The following MADD variants were observed in gnomAD, a reference collection of about 807,000 sequenced individuals.
MADD encodes the protein MAP kinase activating death domain.
In MADD, 109 loss-of-function variants were observed where a neutral mutation model predicts 176.7. That is an observed-to-expected ratio of 0.62 (90% CI 0.53 to 0.72). The LOEUF (loss-of-function observed/expected upper bound fraction) is 0.72. Ranked by LOEUF, MADD falls within the 30% of genes least tolerant of loss-of-function variation. The pLI is 0.00. For synonymous variants in MADD, 771 were observed against 771.3 expected (o/e 1.00, Z 0.01); for missense variants, 1,914 against 2,045.5 (o/e 0.94, Z 1.24).
intron 22 of MADD, among the ~76,000 whole-genome samples, chr11:47,300,710 C>G (rs2077074591): frequency 6.6e-6 from 1 of 152,014 alleles, no homozygotes; most frequent in Non-Finnish European, 1.5e-5. Context: ...GTTGGCCAGG[C>G]TAGTCTTGAA....
At position 47,324,616 on chromosome 11, in the gene MADD, A is replaced by G. The variant is rs757151299; in HGVS notation, c.4542+39A>G. 9 of 1,401,484 alleles carry G rather than the reference A, an allele frequency of 6.4e-6. No homozygotes were observed. In the South Asian group the frequency reaches 8.2e-5, roughly 13 times the overall value. The allele number at this position is 1,401,484 out of a possible 1,614,324, so 86.8% of individuals were successfully genotyped here. A position where few individuals can be genotyped will look rare whatever the true frequency, so the allele number is the denominator to read the frequency against. On this transcript the variant is annotated intron_variant, in intron 30 of 32. Transcript: ENST00000402192. ...GCAGCACGAGGCTCCCTGTCGTTCCATCTGTAAGAAGGACCAATGTCCAAG... is the reference window on the plus strand; with the variant it reads ...GCAGCACGAGGCTCCCTGTCGTTCCGTCTGTAAGAAGGACCAATGTCCAAG...
At chr11:47,301,569 T>C (rs2077797988) in intron 22 of MADD, among the ~76,000 whole-genome samples, 1 of 152,256 alleles carries the variant, frequency 6.6e-6, no homozygotes, top group Admixed American at 6.5e-5. Context: ...CGTTTATTGC[T>C]ATAAGCTTCT....
At chr11:47,293,208 G>A (rs1253554762) in intron 19 of MADD, among the ~76,000 whole-genome samples, 4 of 152,118 alleles carry the variant, frequency 2.6e-5, no homozygotes, top group African/African-American at 9.7e-5. Context: ...GAAGCATTAA[G>A]GGACCTGGGG....
intron 2 of MADD, 55 bp downstream of exon 2, chr11:47,274,031 G>T: frequency 2.0e-6 from 3 of 1,508,048 alleles, no homozygotes; most frequent in Non-Finnish European, 2.8e-6. Context: ...CATAAAATCT[G>T]CAGTTGTTCC....
At chr11:47,314,185 G>A (rs2141194383) in intron 26 of MADD, among the ~76,000 whole-genome samples, 1 of 151,484 alleles carries the variant, frequency 6.6e-6, no homozygotes, top group Non-Finnish European at 1.5e-5. Context: ...AGGCTGCCGT[G>A]AGCACCACTG....
At chr11:47,290,493 T>C (rs2138501765) in intron 18 of MADD, 117 bp from the exon 20 acceptor site, 1 of 1,274,466 alleles carries the variant, frequency 7.8e-7, no homozygotes, top group Non-Finnish European at 1.1e-6. Context: ...CATCAGCTCA[T>C]CTTTCCTTGA....
chr11:47,327,726 C>T (rs2095610210), intron 31 of MADD: 2 of 985,294 alleles, frequency 2.0e-6, no homozygotes, highest in South Asian at 9.4e-5. Flanking sequence ...GAGTTTATTC[C>T]CTGCTGACCC....
intron 15 of MADD, 94 bp downstream of exon 16, chr11:47,289,121 C>T (rs1592712347): frequency 4.7e-6 from 6 of 1,265,432 alleles, no homozygotes; most frequent in South Asian, 1.4e-5. Context: ...GAGCAAGCAG[C>T]GTCACATGAG....
chr11:47,281,019 T>C (rs1220936790), intron 7 of MADD, among the ~76,000 whole-genome samples: 1 of 152,220 alleles, frequency 6.6e-6, no homozygotes, highest in East Asian at 1.9e-4. Flanking sequence ...GCATATTGAA[T>C]CGGGATCTGC....
At chr11:47,308,839 A>G (rs2085396149) in intron 23 of MADD, 140 bp downstream of exon 25, 8 of 1,019,306 alleles carry the variant, frequency 7.8e-6, no homozygotes, top group Non-Finnish European at 1.2e-5. Flanking sequence ...ACCTGAAGCA[A>G]GCGACTTACT....
intron 27 of MADD, among the ~76,000 whole-genome samples, chr11:47,318,759 T>TTC (rs2093737778): frequency 1.3e-5 from 2 of 149,060 alleles, no homozygotes; most frequent in African/African-American, 5.0e-5. Context: ...AGCCTGCTTT[T>TTC]TGCATGATCA....
exon 16 of MADD, chr11:47,289,485 C>G: frequency 6.2e-7 from 1 of 1,613,828 alleles, no homozygotes; most frequent in Non-Finnish European, 8.5e-7. Flanking sequence ...GTCGATCCAG[C>G]AATTCTAGGT....
chr11:47,285,401 A>T (rs763957383), intron 13 of MADD, 50 bp from the exon 14 acceptor site: 6 of 1,611,552 alleles, frequency 3.7e-6, no homozygotes, highest in South Asian at 1.1e-5. Flanking sequence ...CCATACTCCC[A>T]AGATCAGGTA....
chr11:47,297,352 G>C (rs1201640461), intron 22 of MADD, among the ~76,000 whole-genome samples: 1 of 152,110 alleles, frequency 6.6e-6, no homozygotes, highest in Non-Finnish European at 1.5e-5. Flanking sequence ...CAAGTTAATG[G>C]GCCTTAACTC....
chr11:47,284,143 T>C, intron 10 of MADD, 35 bp from the exon 11 acceptor site: 5 of 1,428,004 alleles, frequency 3.5e-6, no homozygotes, highest in Non-Finnish European at 4.9e-6. Context: ...TGCCCCTTTC[T>C]GTTTTGTTTG....
At chr11:47,324,397 G>C in intron 29 of MADD, 60 bp downstream of exon 32, 2 of 1,604,426 alleles carry the variant, frequency 1.2e-6, no homozygotes, top group Non-Finnish European at 1.7e-6. Flanking sequence ...CTGAGTGTCA[G>C]GGGCCTGGCA....
intron 15 of MADD, among the ~76,000 whole-genome samples, chr11:47,288,506 G>A (rs139814475): frequency 4.3e-4 from 65 of 152,286 alleles, no homozygotes; most frequent in African/African-American, 1.5e-3. Flanking sequence ...AGAGAAGAGC[G>A]ATTGAAACTC....
intron 28 of MADD, 125 bp downstream of exon 31, chr11:47,323,960 G>T: frequency 3.7e-6 from 4 of 1,078,992 alleles, no homozygotes; most frequent in Non-Finnish European, 5.4e-6. Context: ...CAGCTGTTGG[G>T]TGGAGTACCT....
chr11:47,325,074 G>T lies in MADD; in HGVS notation c.4542+497G>T. Reference sequence around the variant, plus strand: ...TGTCCTCTCTGGAGTGTGTTTATTTGCCTTTTTCTTCTGCGGATTCTTCTT... The same window carrying T: ...TGTCCTCTCTGGAGTGTGTTTATTTTCCTTTTTCTTCTGCGGATTCTTCTT... On this transcript the variant is annotated intron_variant, in intron 30 of 32. Coordinates refer to ENST00000402192, the Ensembl canonical transcript of MADD. This position sits in a 1 kb window ranked among gnomAD's most constrained non-coding sequence, Gnocchi z 4.5. 2 of 317,562 alleles carry T rather than the reference G, an allele frequency of 6.3e-6. No homozygotes were observed. The highest frequency in any genetic ancestry group is 4.7e-5 in the South Asian group (1 of 21,116). 19.7% of individuals were successfully genotyped at this position (317,562 alleles called of 1,614,324 possible).
Sources: allele counts gnomAD v4.1 joint callset (sites outside exome capture counted in the v4.1 genomes callset), GRCh38; gene constraint gnomAD v4.1.1; non-coding constraint Gnocchi (gnomAD v3.1); transcripts MANE v1.5; gene names NCBI Gene and HGNC (gene_info 2026-07-23, HGNC 2026-07-21).